The following ADGRL2 variants were observed in gnomAD, a reference collection of about 807,000 sequenced individuals.
ADGRL2 encodes adhesion G protein-coupled receptor L2.
A neutral mutation model predicts 157.4 loss-of-function variants in ADGRL2; 44 were observed. The observed-to-expected ratio is 0.28, with a 90% CI of 0.22 to 0.36. The LOEUF is 0.36. Ranked by LOEUF, ADGRL2 falls within the 10% of genes least tolerant of loss-of-function variation. The pLI, the probability that ADGRL2 is intolerant of heterozygous loss-of-function variation, is 1.00. For missense variants in ADGRL2, 1,510 were observed against 1,768.9 expected (o/e 0.85, Z 2.63); for synonymous variants, 585 against 624.7 (o/e 0.94, Z 0.95).
intron 3 of ADGRL2, among the ~76,000 whole-genome samples, chr1:81,690,635 C>T (rs1055371549): frequency 1.3e-5 from 2 of 152,174 alleles, no homozygotes; most frequent in Admixed American, 1.3e-4. Flanking sequence ...ACAAAGGGCT[C>T]AGTGTTTTAA....
At chr1:81,818,635 A>T (rs1295230374) in intron 1 of ADGRL2, among the ~76,000 whole-genome samples, 1 of 152,172 alleles carries the variant, frequency 6.6e-6, no homozygotes, top group African/African-American at 2.4e-5. Flanking sequence ...GTTTAGATCA[A>T]CAGCCATTTA....
At chr1:81,580,642 C>T (rs1570560128) in intron 2 of ADGRL2, among the ~76,000 whole-genome samples, 1 of 151,978 alleles carries the variant, frequency 6.6e-6, no homozygotes, top group African/African-American at 2.4e-5. Flanking sequence ...GACATAGAAG[C>T]CCTTGATGAT....
chr1:81,611,404 C>G (rs1299782014), intron 3 of ADGRL2, among the ~76,000 whole-genome samples: 1 of 152,118 alleles, frequency 6.6e-6, no homozygotes, highest in East Asian at 1.9e-4. Flanking sequence ...GTGTGTGAAA[C>G]TTTTTAAACT....
At chr1:81,800,491 A>G (rs1048209011), upstream of ADGRL2, 1 of 151,892 alleles carries the variant, frequency 6.6e-6, no homozygotes, top group Non-Finnish European at 1.5e-5. Flanking sequence ...TGCGTGGAGA[A>G]AAGAGAAAAC....
At chr1:81,426,413 G>C in intron 1 of ADGRL2, 1 of 357,670 alleles carries the variant, frequency 2.8e-6, no homozygotes, top group South Asian at 2.2e-5. Context: ...AAAATACTCA[G>C]TAGATAGTGA....
At chr1:81,314,648 A>G (rs1286787999) in intron 1 of ADGRL2, among the ~76,000 whole-genome samples, 2 of 152,202 alleles carry the variant, frequency 1.3e-5, no homozygotes, top group East Asian at 1.9e-4. Context: ...ATATCCTAGA[A>G]ACACTACTGA....
chr1:81,614,175 C>A (rs1480320993), intron 3 of ADGRL2, among the ~76,000 whole-genome samples: 2 of 152,160 alleles, frequency 1.3e-5, no homozygotes, highest in Non-Finnish European at 2.9e-5. Context: ...GATAAACAGA[C>A]AAAGAAATGC....
At chr1:81,969,414 T>G in intron 15 of ADGRL2, 27 bp downstream of exon 15, 1 of 1,503,778 alleles carries the variant, frequency 6.6e-7, no homozygotes, top group Middle Eastern at 1.7e-4. Context: ...TTCATTGACC[T>G]TAGATCTCTG....
intron 2 of ADGRL2, among the ~76,000 whole-genome samples, chr1:81,894,733 T>C (rs1208304129): frequency 6.6e-6 from 1 of 151,278 alleles, no homozygotes; most frequent in Admixed American, 6.6e-5. Context: ...GTTTTTTTTT[T>C]CTCTAGAAAC....
intron 1 of ADGRL2, among the ~76,000 whole-genome samples, chr1:81,714,195 G>A (rs1233991325): frequency 6.6e-6 from 1 of 152,052 alleles, no homozygotes; most frequent in Non-Finnish European, 1.5e-5. Context: ...GATTTGGGTG[G>A]AAACACAGCC....
intron 4 of ADGRL2, among the ~76,000 whole-genome samples, chr1:81,941,181 C>CT (rs5775652): frequency 0.63 from 95,165 of 150,446 alleles, 30,831 homozygotes; most frequent in East Asian, 0.92. Flanking sequence ...ATTTTGCTTA[C>CT]TTTTTTTATA....
chr1:81,860,739 T>C (rs917669451), intron 2 of ADGRL2, among the ~76,000 whole-genome samples: 2 of 152,094 alleles, frequency 1.3e-5, no homozygotes, highest in African/African-American at 2.4e-5. Flanking sequence ...ATTAAGAAAT[T>C]ATTTTAGAAG....
chr1:81,336,335 A>G lies in ADGRL2; in HGVS notation c.-302+29826A>G, dbSNP rs553145031. ...AAGGATTAGAAAAGGGAATGCTTCC[A>G]CAGTAGCCCATTTTAACCCTCTATT... On this transcript the variant is annotated intron_variant, in intron 1 of 24. Transcript: ENST00000370721. Among the ~76,000 whole-genome samples, 3 of 152,288 alleles carry G rather than the reference A, an allele frequency of 2.0e-5. No homozygotes were observed. The East Asian group carries it at 5.8e-4, about 29-fold the overall frequency.
intron 1 of ADGRL2, chr1:81,426,447 C>G (rs777827613): frequency 5.2e-6 from 2 of 381,470 alleles, no homozygotes; most frequent in South Asian, 2.0e-5. Flanking sequence ...GAGGTGAGTC[C>G]GGTCTCAAAA....
Position 81,356,790 on chromosome 1 carries a change from A to G in ADGRL2, c.-302+50281A>G, listed in dbSNP as rs188302775. ...AACACGGTGAAACCCCGTCTCTACT[A>G]AAAATACAAAAAATTAGCCGAGCGT... On this transcript the variant is annotated intron_variant, in intron 1 of 24. Coordinates refer to the ADGRL2 transcript ENST00000370721. Among the ~76,000 whole-genome samples the G allele has an allele frequency of 5.5e-3, 832 of 151,920 alleles. 8 individuals are homozygous for G. Among genetic ancestry groups the G allele is most frequent in the African/African-American group, 0.019 (805 of 41,426 alleles).
In ADGRL2 at chr1:81,645,373, G is replaced by T. The variant is rs2082293307; in HGVS notation, c.-143+64393G>T. Among the ~76,000 whole-genome samples, 3 of 144,296 alleles carry T rather than the reference G, an allele frequency of 2.1e-5. No individual in the cohort carries two copies. In the Admixed American group the frequency reaches 2.1e-4, roughly 10 times the overall value. The allele number at this position is 144,296 out of a possible 152,430, so 94.7% of individuals were successfully genotyped here. ...CACCACTGCATTCCATTCCAGCCTG[G>T]GTGACAGAGTGAGATCCTGTCTCAA... is the stretch of plus-strand genomic sequence containing the variant. On this transcript the variant is annotated intron_variant, in intron 3 of 24. Transcript: ENST00000370721.
chr1:81,962,758 G>A lies in ADGRL2; in HGVS notation c.2018-3300G>A, dbSNP rs558673847. On this transcript the variant is annotated intron_variant, in intron 11 of 23. Coordinates refer to ENST00000686636, the MANE Select transcript of ADGRL2 (RefSeq NM_001366006.2). Reference sequence around the variant, plus strand: ...CCAGTTCCTTGTTTACGTTTAGTGCGTAATCCATTTCTCCCCCTAATGATT... The same window carrying A: ...CCAGTTCCTTGTTTACGTTTAGTGCATAATCCATTTCTCCCCCTAATGATT... 4.6e-5 allele frequency among the ~76,000 whole-genome samples: 7 copies of A among 152,142 alleles called. No homozygotes were observed. In the East Asian group the frequency reaches 5.8e-4, roughly 13 times the overall value.
chr1:81,438,478 T>A (rs4650550), intron 1 of ADGRL2, among the ~76,000 whole-genome samples: 72,163 of 152,062 alleles, frequency 0.47, 19,449 homozygotes, highest in Non-Finnish European at 0.6. Flanking sequence ...TACCACATAA[T>A]GGTACAATAT....
chr1:81,444,567 C>T (rs1330659646), intron 1 of ADGRL2, among the ~76,000 whole-genome samples: 2 of 152,164 alleles, frequency 1.3e-5, no homozygotes, highest in Non-Finnish European at 2.9e-5. Flanking sequence ...GGCCTTTTCC[C>T]TCCTATCACT....
Sources: allele counts gnomAD v4.1 joint callset (sites outside exome capture counted in the v4.1 genomes callset), GRCh38; gene constraint gnomAD v4.1.1; transcripts MANE v1.5; gene names NCBI Gene and HGNC (gene_info 2026-07-23, HGNC 2026-07-21).